PLEKHA5: variants seen among roughly 807,000 people sequenced by gnomAD.
The protein encoded by PLEKHA5 is pleckstrin homology domain-containing family A member 5.
Under a neutral mutation model 181.9 loss-of-function variants are expected in PLEKHA5, and 55 were observed. That is an observed-to-expected ratio of 0.30 (90% confidence interval 0.24 to 0.38). PLEKHA5 has a LOEUF of 0.38. PLEKHA5 is among the 10% of genes least tolerant of loss of function. The probability of loss-of-function intolerance (pLI) is 1.00; values close to 1 mark genes in which losing one functional copy is unlikely to be tolerated. For synonymous variants in PLEKHA5, 535 were observed against 529.4 expected (o/e 1.01, Z -0.15); for missense variants, 1,432 against 1,549.5 (o/e 0.92, Z 1.27).
chr12:19,137,288 C>T (rs2035940165), intron 3 of PLEKHA5, among the ~76,000 whole-genome samples: 1 of 152,090 alleles, frequency 6.6e-6, no homozygotes, highest in Non-Finnish European at 1.5e-5. Flanking sequence ...CCGCCCACCT[C>T]GGCGTCCCAA....
chr12:19,210,647 A>G (rs915125539), intron 3 of PLEKHA5, among the ~76,000 whole-genome samples: 3 of 152,240 alleles, frequency 2.0e-5, no homozygotes, highest in Non-Finnish European at 4.4e-5. Context: ...ATAAGAAAGT[A>G]TGATTTTTAA....
chr12:19,293,633 T>G (rs1486731557), intron 15 of PLEKHA5, among the ~76,000 whole-genome samples: 1 of 151,998 alleles, frequency 6.6e-6, no homozygotes, highest in Admixed American at 6.6e-5. Context: ...GAATCTGAAG[T>G]TACCCCACAT....
At chr12:19,174,140 T>A (rs2046634346) in intron 3 of PLEKHA5, among the ~76,000 whole-genome samples, 1 of 152,210 alleles carries the variant, frequency 6.6e-6, no homozygotes. Flanking sequence ...AATTTTATTT[T>A]AAGATATTTC....
chr12:19,306,432 G>C, intron 15 of PLEKHA5: 1 of 586,302 alleles, frequency 1.7e-6, no homozygotes, highest in South Asian at 1.5e-5. Context: ...GGCGACTGGA[G>C]CAGCAGAGGC....
Position 19,345,838 on chromosome 12 carries a change from C to T in PLEKHA5, c.2663-4C>T, listed in dbSNP as rs1227620373. ...AATATAGTTACGTTTTCTAATATTC[C>T]CAGGTATGATAGGATCAAAGCCTTT... On this transcript the variant is annotated splice_polypyrimidine_tract_variant and splice_region_variant and intron_variant, in intron 22 of 31. Coordinates refer to ENST00000429027, the MANE Select transcript of PLEKHA5 (RefSeq NM_001256470.2). The T allele has an allele frequency of 3.6e-6, 5 of 1,371,904 alleles. No individual in the cohort carries two copies. The highest frequency in any genetic ancestry group is 5.1e-6 in the Non-Finnish European group (5 of 972,716). 85.0% of individuals were successfully genotyped at this position (1,371,904 alleles called of 1,614,324 possible).
chr12:19,328,015 T>C lies in PLEKHA5; in HGVS notation c.2448+5348T>C, dbSNP rs1250495897. On this transcript the variant is annotated intron_variant, in intron 20 of 31. Coordinates refer to ENST00000429027, the MANE Select transcript of PLEKHA5 (RefSeq NM_001256470.2). ...ACCTTGAGTTAATTTTTGTATATGGTGAAAGTAACGGGTCAGTTTCATTCT... is the reference window on the plus strand; with the variant it reads ...ACCTTGAGTTAATTTTTGTATATGGCGAAAGTAACGGGTCAGTTTCATTCT... 3.3e-5 allele frequency among the ~76,000 whole-genome samples: 5 copies of C among 152,204 alleles called. No homozygotes were observed. The East Asian group carries it at 7.7e-4, about 23-fold the overall frequency.
At chr12:19,167,307 A>G (rs1408532935) in intron 3 of PLEKHA5, among the ~76,000 whole-genome samples, 3 of 151,920 alleles carry the variant, frequency 2.0e-5, no homozygotes, top group African/African-American at 7.3e-5. Flanking sequence ...ATCAGATGCA[A>G]TCGCTTGTTT....
intron 3 of PLEKHA5, among the ~76,000 whole-genome samples, chr12:19,181,469 T>A (rs1368211302): frequency 6.6e-6 from 1 of 152,152 alleles, no homozygotes; most frequent in Non-Finnish European, 1.5e-5. Flanking sequence ...ATTGGTTATT[T>A]TGATATTTTA....
rs978094640 is a variant in PLEKHA5, at chr12:19,145,306, C to T, written c.227+12856C>T. On this transcript the variant is annotated intron_variant, in intron 3 of 31. Coordinates refer to ENST00000429027, the MANE Select transcript of PLEKHA5 (RefSeq NM_001256470.2). ...AGTGGCAGTATTTGAATAGGAGTAG[C>T]ACTATAGCCCTCTGCCTTCCAAGAG... Among the ~76,000 whole-genome samples, 6 of 152,084 alleles carry T rather than the reference C, an allele frequency of 3.9e-5. No individual in the cohort carries two copies. In the South Asian group the frequency reaches 1.0e-3, roughly 26 times the overall value.
At chr12:19,196,088 A>G (rs16915154) in intron 3 of PLEKHA5, among the ~76,000 whole-genome samples, 14,292 of 152,164 alleles carry the variant, frequency 0.094, 819 homozygotes, top group Admixed American at 0.19. Context: ...ATTGAACAGT[A>G]TTTTATTGAG....
At chr12:19,292,392 C>T (rs187522616) in intron 15 of PLEKHA5, among the ~76,000 whole-genome samples, 9 of 151,852 alleles carry the variant, frequency 5.9e-5, no homozygotes, top group African/African-American at 1.9e-4. Context: ...TGGGCTACAG[C>T]GCAAGACTCT....
At chr12:19,250,613 A>C (rs375112960) in intron 3 of PLEKHA5, among the ~76,000 whole-genome samples, 2 of 152,276 alleles carry the variant, frequency 1.3e-5, no homozygotes, top group South Asian at 2.1e-4. Flanking sequence ...ATAAAAAAAA[A>C]TAAAGACTTG....
chr12:19,207,033 G>A (rs1043302909), intron 3 of PLEKHA5, among the ~76,000 whole-genome samples: 15 of 152,014 alleles, frequency 9.9e-5, no homozygotes, highest in African/African-American at 3.4e-4. Context: ...TTGCTTTTCC[G>A]AATTCTATTA....
At chr12:19,300,919 G>A (rs2081292618) in intron 15 of PLEKHA5, among the ~76,000 whole-genome samples, 2 of 150,340 alleles carry the variant, frequency 1.3e-5, no homozygotes, top group Admixed American at 6.7e-5. Flanking sequence ...CGGATCACCT[G>A]AGGTTGGGAG....
At chr12:19,350,319 T>G (rs180781343) in intron 25 of PLEKHA5, among the ~76,000 whole-genome samples, 1 of 152,324 alleles carries the variant, frequency 6.6e-6, no homozygotes, top group Middle Eastern at 3.4e-3. Flanking sequence ...TCTGCCACTT[T>G]TAAAGGATTC....
chr12:19,328,988 T>C (rs2092565573), intron 20 of PLEKHA5, among the ~76,000 whole-genome samples: 1 of 152,190 alleles, frequency 6.6e-6, no homozygotes, highest in Non-Finnish European at 1.5e-5. Context: ...AGATGGCCTT[T>C]ACTATTTTAG....
chr12:19,334,142 T>C (rs1484496368), intron 20 of PLEKHA5, among the ~76,000 whole-genome samples: 1 of 152,128 alleles, frequency 6.6e-6, no homozygotes, highest in East Asian at 1.9e-4. Flanking sequence ...CCCAGCCAGA[T>C]GTTGGGAGGA....
At chr12:19,294,024 T>C (rs1393223659) in intron 15 of PLEKHA5, among the ~76,000 whole-genome samples, 1 of 152,202 alleles carries the variant, frequency 6.6e-6, no homozygotes, top group African/African-American at 2.4e-5. Context: ...GTAAAGCTAT[T>C]CAATTTTTAA....
rs200837678 is a variant in PLEKHA5 at position 19,359,552 on chromosome 12, G to A, written c.3483+6G>A. The A allele has an allele frequency of 4.0e-5, 64 of 1,612,814 alleles. No homozygotes were observed. The highest frequency in any genetic ancestry group is 3.3e-4 in the African/African-American group (25 of 74,962). On this transcript the variant is annotated splice_donor_region_variant and intron_variant, in intron 28 of 31. Transcript: ENST00000429027. ...ATGTGGACTTCAGCAAAGAGGTAGCGAGATTATTTTATGAAAGGTATTCCA... is the reference window on the plus strand; with the variant it reads ...ATGTGGACTTCAGCAAAGAGGTAGCAAGATTATTTTATGAAAGGTATTCCA...
Sources: allele counts gnomAD v4.1 joint callset (sites outside exome capture counted in the v4.1 genomes callset), GRCh38; gene constraint gnomAD v4.1.1; transcripts MANE v1.5; gene names NCBI Gene and HGNC (gene_info 2026-07-23, HGNC 2026-07-21).